Variants in MRTFA observed in about 807,000 individuals in gnomAD.
MRTFA encodes myocardin-related transcription factor A.
In MRTFA, 20 loss-of-function variants were observed where a neutral mutation model predicts 83.5. The ratio of observed to expected loss-of-function variants is 0.24; its 90% CI spans 0.17 to 0.35. The LOEUF is 0.35. Ranked by LOEUF, MRTFA falls within the 10% of genes least tolerant of loss-of-function variation. The probability of loss-of-function intolerance (pLI) is 1.00; values close to 1 mark genes in which losing one functional copy is unlikely to be tolerated. For missense variants in MRTFA, 1,200 were observed against 1,224.7 expected, an observed-to-expected ratio of 0.98 and a Z score of 0.30; for synonymous variants, 659 against 541.2, an observed-to-expected ratio of 1.22 and a Z score of -3.02.
chr22:40,580,477 G>A (rs2055931963), intron 2 of MRTFA, among the ~76,000 whole-genome samples: 1 of 152,110 alleles, frequency 6.6e-6, no homozygotes, highest in African/African-American at 2.4e-5. Context: ...GGGATTACAG[G>A]TGTCAGCCAC....
intron 3 of MRTFA, among the ~76,000 whole-genome samples, chr22:40,508,730 G>C (rs1164392297): frequency 6.6e-6 from 1 of 150,470 alleles, no homozygotes; most frequent in Non-Finnish European, 1.5e-5. Flanking sequence ...TAAGAGTCTG[G>C]CTTCTGGCTG....
chr22:40,458,063 C>A (rs2053628685), intron 4 of MRTFA, among the ~76,000 whole-genome samples: 1 of 152,146 alleles, frequency 6.6e-6, no homozygotes, highest in South Asian at 2.1e-4. Flanking sequence ...CCAAATATGA[C>A]CAGTTTCTTC....
Position 40,423,691 on chromosome 22 carries a change from AGGG to A in MRTFA, c.778-9_778-7del. ...ATCGGAAGTTGAGACACAACCTGAG[AGGG>A]AAAAAGGGAAGTGAGGACATGGCCA... On this transcript the variant is annotated splice_region_variant and splice_polypyrimidine_tract_variant and intron_variant, in intron 8 of 14. Transcript: ENST00000355630. 1 of 1,534,006 alleles carries A rather than the reference AGGG, an allele frequency of 6.5e-7. No homozygotes were observed. The highest frequency in any genetic ancestry group is 8.8e-7 in the Non-Finnish European group (1 of 1,134,824).
chr22:40,516,192 G>A (rs549838671), intron 3 of MRTFA, among the ~76,000 whole-genome samples: 24 of 152,164 alleles, frequency 1.6e-4, no homozygotes, highest in Middle Eastern at 3.4e-3. Context: ...GTCAAGGTGG[G>A]TGGATCACTT....
At chr22:40,453,488 T>A (rs2053531103) in intron 4 of MRTFA, among the ~76,000 whole-genome samples, 1 of 152,168 alleles carries the variant, frequency 6.6e-6, no homozygotes, top group South Asian at 2.1e-4. Context: ...ATAGCCAAAC[T>A]TCTTTGACAC....
intron 4 of MRTFA, chr22:40,440,022 G>A: frequency 6.5e-6 from 1 of 154,280 alleles, no homozygotes; most frequent in South Asian, 1.8e-4. Context: ...TGTGGTGGCG[G>A]GCACCTGTAA....
intron 4 of MRTFA, among the ~76,000 whole-genome samples, chr22:40,439,479 T>C (rs1012549830): frequency 8.5e-6 from 1 of 117,678 alleles, no homozygotes; most frequent in Non-Finnish European, 1.6e-5. Context: ...CACTCCAACC[T>C]GGGTGACAGA....
intron 4 of MRTFA, among the ~76,000 whole-genome samples, chr22:40,457,504 G>A (rs2053617666): frequency 6.9e-6 from 1 of 144,448 alleles, no homozygotes. Flanking sequence ...GAAAGAAAGA[G>A]AAAGAAAGAA....
At chr22:40,593,454 TCA>T (rs2147381742) in intron 2 of MRTFA, among the ~76,000 whole-genome samples, 1 of 152,294 alleles carries the variant, frequency 6.6e-6, no homozygotes, top group Non-Finnish European at 1.5e-5. Flanking sequence ...ATTAATTTTA[TCA>T]CACAGTATTT....
At chr22:40,531,283 T>C (rs2055076033) in intron 3 of MRTFA, among the ~76,000 whole-genome samples, 1 of 149,122 alleles carries the variant, frequency 6.7e-6, no homozygotes, top group African/African-American at 2.5e-5. Flanking sequence ...TTTTTTTTTT[T>C]TTAATTTTTT....
intron 1 of MRTFA, among the ~76,000 whole-genome samples, chr22:40,596,146 G>A (rs1602476651): frequency 6.6e-6 from 1 of 151,588 alleles, no homozygotes; most frequent in East Asian, 1.9e-4. Context: ...TACCTAGAAT[G>A]TTCTCTTTTC....
chr22:40,549,584 A>G (rs536303881), intron 3 of MRTFA, among the ~76,000 whole-genome samples: 2 of 152,320 alleles, frequency 1.3e-5, no homozygotes, highest in Admixed American at 1.3e-4. Context: ...AAGAAGCACA[A>G]GGTGGGGAAA....
chr22:40,464,543 AGAG>A (rs762088648), intron 3 of MRTFA, among the ~76,000 whole-genome samples: 83 of 151,962 alleles, frequency 5.5e-4, no homozygotes, highest in Non-Finnish European at 8.4e-4. Context: ...GAAAATGTTC[AGAG>A]GAGGAGGGTT....
intron 2 of MRTFA, among the ~76,000 whole-genome samples, chr22:40,582,165 C>T (rs1409992465): frequency 6.6e-6 from 1 of 152,212 alleles, no homozygotes; most frequent in African/African-American, 2.4e-5. Context: ...TGGGATCATA[C>T]AGTATGTGGT....
chr22:40,567,813 T>A (rs1204208706), intron 2 of MRTFA, among the ~76,000 whole-genome samples: 1 of 152,184 alleles, frequency 6.6e-6, no homozygotes, highest in Admixed American at 6.5e-5. Context: ...TGTTTTCACA[T>A]GACAATGGGG....
rs754790308 is a variant in MRTFA at position 40,418,475 on chromosome 22, G to A, written c.2263C>T (p.Pro755Ser). ...GTGGAGTCGGTGATGAGGGTGGGAG[G>A]TGCAACCCCCTTGATGAGGCTGGGG... is the stretch of plus-strand genomic sequence containing the variant. The change falls in exon 12 of 15, where the codon CCT (proline) becomes TCT (serine). Residue 755 changes from proline to serine, a missense_variant. By Grantham distance (74) the Pro-to-Ser change is moderately conservative. Transcript: ENST00000355630. 3.1e-6 allele frequency: 5 copies of A among 1,613,244 alleles called. No homozygotes were observed. The highest frequency in any genetic ancestry group is 4.2e-6 in the Non-Finnish European group (5 of 1,179,590).
intron 3 of MRTFA, among the ~76,000 whole-genome samples, chr22:40,477,348 T>C (rs1234487211): frequency 6.6e-6 from 1 of 151,614 alleles, no homozygotes; most frequent in Admixed American, 6.6e-5. Context: ...AGACTCGGTC[T>C]CAAAATAAAA....
At chr22:40,580,932 A>G (rs2055938214) in intron 2 of MRTFA, among the ~76,000 whole-genome samples, 2 of 152,098 alleles carry the variant, frequency 1.3e-5, no homozygotes, top group African/African-American at 2.4e-5. Context: ...TTAACTGATC[A>G]TAACAGGTAT....
At chr22:40,499,975 G>T (rs1235457955) in intron 3 of MRTFA, among the ~76,000 whole-genome samples, 1 of 121,838 alleles carries the variant, frequency 8.2e-6, no homozygotes, top group African/African-American at 3.1e-5. Context: ...AGGCTGGAAT[G>T]AAATGGTACG....
Sources: allele counts gnomAD v4.1 joint callset (sites outside exome capture counted in the v4.1 genomes callset), GRCh38; gene constraint gnomAD v4.1.1; transcripts MANE v1.5; gene names NCBI Gene and HGNC (gene_info 2026-07-23, HGNC 2026-07-21).